Variants in SUCO observed in about 807,000 individuals in gnomAD.
The protein encoded by SUCO is SUN domain containing ossification factor.
SUCO carries 57 observed loss-of-function variants against 148.1 expected under a neutral mutation model. The ratio of observed to expected loss-of-function variants is 0.38; its 90% CI spans 0.31 to 0.48. The LOEUF is 0.48. Among genes scored for constraint, SUCO ranks in the 20% least tolerant of loss-of-function variants. SUCO has a pLI of 0.96. For missense variants in SUCO, 1,331 were observed against 1,468.2 expected (o/e 0.91, Z 1.53); for synonymous variants, 470 against 502.7 (o/e 0.93, Z 0.87).
At chr1:172,600,016 A>C in intron 19 of SUCO, 48 bp from the exon 20 acceptor site, 1 of 1,238,226 alleles carries the variant, frequency 8.1e-7, no homozygotes, top group East Asian at 2.7e-5. Context: ...TTATAATGTT[A>C]ATAGTTTGTA....
Position 172,570,671 on chromosome 1 carries a change from T to C in SUCO, c.990T>C (p.Ser330=). 1 of 1,597,236 alleles carries C rather than the reference T, an allele frequency of 6.3e-7. No homozygotes were observed. Among genetic ancestry groups the C allele is most frequent in the Non-Finnish European group, 8.6e-7 (1 of 1,165,592 alleles). Residue 330 remains serine, a synonymous_variant, in exon 9 of 24, where the codon TCT becomes TCC. Coordinates refer to ENST00000263688, the MANE Select transcript of SUCO (RefSeq NM_014283.5). ...LAANPEAKST[S]AILIENMDLY... is the part of the protein sequence containing the mutation. ...TCCTCTTTTTAAAATAGAGCACATC[T>C]GCTATTCTTATAGAAAATATGGATC...
At chr1:172,608,943 A>T in intron 23 of SUCO, 141 bp downstream of exon 23, 1 of 674,836 alleles carries the variant, frequency 1.5e-6, no homozygotes, top group Non-Finnish European at 2.5e-6. Flanking sequence ...GTTGTAAATA[A>T]ATATTAACAG....
At chr1:172,590,543 C>T (rs1656577001) in intron 18 of SUCO, among the ~76,000 whole-genome samples, 1 of 152,044 alleles carries the variant, frequency 6.6e-6, no homozygotes, top group African/African-American at 2.4e-5. Context: ...TAGGGCTTCT[C>T]TACCAACGTT....
chr1:172,579,184 T>C lies in SUCO; in HGVS notation c.1433-18T>C, dbSNP rs1278033041. 4.8e-6 allele frequency: 7 copies of C among 1,451,250 alleles called. No homozygotes were observed. Among genetic ancestry groups the C allele is most frequent in the Non-Finnish European group, 9.7e-7 (1 of 1,036,178 alleles). The allele number at this position is 1,451,250 out of a possible 1,614,324, so 89.9% of individuals were successfully genotyped here. The stretch of plus-strand genomic sequence containing the variant: ...AGCTAGATCTCAGCATAATTACTTT[T>C]ATTTTCGTTTTTAACAGATTATCCA... On this transcript the variant is annotated intron_variant, in intron 14 of 23. Coordinates refer to ENST00000263688, the MANE Select transcript of SUCO (RefSeq NM_014283.5).
intron 6 of SUCO, among the ~76,000 whole-genome samples, chr1:172,563,945 A>G (rs376070251): frequency 2.6e-5 from 4 of 152,224 alleles, no homozygotes; most frequent in African/African-American, 4.8e-5. Flanking sequence ...AGCTGCTCCA[A>G]CTTCAGCTGT....
intron 1 of SUCO, chr1:172,544,221 C>T (rs536717760): frequency 1.6e-6 from 1 of 641,204 alleles, no homozygotes; most frequent in Non-Finnish European, 1.9e-6. Context: ...AGAAGCAATT[C>T]TTTGTTGCCT....
intron 9 of SUCO, among the ~76,000 whole-genome samples, chr1:172,573,435 G>A (rs1045382327): frequency 1.3e-5 from 2 of 151,880 alleles, no homozygotes; most frequent in Non-Finnish European, 2.9e-5. Flanking sequence ...TGTGTACTTC[G>A]ATATAGCAAA....
chr1:172,542,767 A>C (rs1652572117), intron 1 of SUCO: 1 of 985,338 alleles, frequency 1.0e-6, no homozygotes, highest in South Asian at 4.7e-5. Flanking sequence ...CTTTTGAAAC[A>C]GAATAAAGAA....
Position 172,575,764 on chromosome 1 carries a change from G to A in SUCO, c.1263+141G>A, listed in dbSNP as rs73034039. Reference sequence around the variant, plus strand: ...CACTTAATAGATAATTCTTACTTGGGTATATTATTTCATGAATCAAATATT... The same window carrying A: ...CACTTAATAGATAATTCTTACTTGGATATATTATTTCATGAATCAAATATT... On this transcript the variant is annotated intron_variant, in intron 11 of 23. Transcript: ENST00000263688. 1.5e-3 allele frequency: 733 copies of A among 494,522 alleles called. 4 individuals carry two copies. The highest frequency in any genetic ancestry group is 0.011 in the African/African-American group (569 of 49,926). The allele number at this position is 494,522 out of a possible 1,614,324, so 30.6% of individuals were successfully genotyped here.
At position 172,610,047 on chromosome 1, in the gene SUCO, A is replaced by C; in HGVS notation, c.3553A>C (p.Thr1185Pro). 1.9e-6 allele frequency: 3 copies of C among 1,613,960 alleles called. No homozygotes were observed. Among genetic ancestry groups the C allele is most frequent in the African/African-American group, 1.3e-5 (1 of 75,038 alleles). The change falls in exon 24 of 24, where the codon ACA becomes CCA. Residue 1185 changes from threonine (T) to proline (P), a missense_variant. This residue lies in a region of SUCO where 334 missense variants were observed against 352.3 expected (regional missense o/e 0.95). Coordinates refer to ENST00000263688, the MANE Select transcript of SUCO (RefSeq NM_014283.5). ...ESYFCGISACTSLCNGQSQKT... is the reference protein window; with the variant it reads ...ESYFCGISACPSLCNGQSQKT... ...CTATTTTTGTGGCATTTCAGCTTGC[A>C]CAAGTCTGTGCAATGGACAGTCTCA...
chr1:172,532,464 A>T (rs938626226), upstream of SUCO: 4 of 1,601,076 alleles, frequency 2.5e-6, no homozygotes, highest in Non-Finnish European at 3.4e-6. Flanking sequence ...TTCCGCTGCA[A>T]CCAATCAGAT....
intron 6 of SUCO, among the ~76,000 whole-genome samples, chr1:172,567,567 T>C (rs1354159133): frequency 1.3e-5 from 2 of 152,218 alleles, no homozygotes; most frequent in Non-Finnish European, 2.9e-5. Context: ...TTTTGAGATT[T>C]GTTCATTGTT....
In SUCO at chr1:172,533,350, TGCTCCG is replaced by T. The variant is rs1223577139; in HGVS notation, c.-80_-75del. 2.3e-5 allele frequency: 35 copies of T among 1,551,472 alleles called. No homozygotes were observed. In the Admixed American group the frequency reaches 6.9e-4, roughly 30 times the overall value. On this transcript the variant is annotated 5_prime_UTR_variant, in exon 1 of 24. Coordinates refer to ENST00000263688, the MANE Select transcript of SUCO (RefSeq NM_014283.5). ...ACTATCGGTCACATTCTCGCGCTCC[TGCTCCG>T]GCTCCTCCATCTTGGCCTCGGCAGT... is the stretch of plus-strand genomic sequence containing the variant.
At chr1:172,578,860 G>A (rs1294524588) in intron 14 of SUCO, among the ~76,000 whole-genome samples, 1 of 152,006 alleles carries the variant, frequency 6.6e-6, no homozygotes, top group Non-Finnish European at 1.5e-5. Flanking sequence ...ATTTTAAGAT[G>A]TGTTAAACTA....
upstream of SUCO, chr1:172,532,377 A>C (rs1315992175): frequency 1.1e-6 from 1 of 930,808 alleles, no homozygotes; most frequent in South Asian, 1.7e-5. Flanking sequence ...CAGAACGAAA[A>C]GCAACGAAGC....
In SUCO at chr1:172,556,034, A is replaced by G. The variant is rs1653733105; in HGVS notation, c.443+11A>G. ...AATCTCAAAGCTTGAGTAAGTTGTT[A>G]CAAAAAACAAACACAAAAAAGAATC... On this transcript the variant is annotated intron_variant, in intron 4 of 23. Coordinates refer to ENST00000263688, the MANE Select transcript of SUCO (RefSeq NM_014283.5). The G allele has an allele frequency of 1.9e-6, 3 of 1,597,230 alleles. No homozygotes were observed. Among genetic ancestry groups the G allele is most frequent in the Non-Finnish European group, 1.7e-6 (2 of 1,169,948 alleles).
rs146071333 is a variant in SUCO at position 172,598,336 on chromosome 1, G to A, written c.2914-1728G>A. 5.2e-3 allele frequency among the ~76,000 whole-genome samples: 785 copies of A among 152,244 alleles called. 9 individuals carry two copies. The highest frequency in any genetic ancestry group is 7.9e-3 in the Non-Finnish European group (535 of 67,998). On this transcript the variant is annotated intron_variant, in intron 19 of 23. Transcript: ENST00000263688. ...CTTTAAGGTAATAACACAATGTTAT[G>A]TTTGTTGTAGCTTTATATTAACATT...
chr1:172,536,527 T>TTA (rs1652031982), intron 1 of SUCO, among the ~76,000 whole-genome samples: 1 of 152,204 alleles, frequency 6.6e-6, no homozygotes, highest in South Asian at 2.1e-4. Flanking sequence ...CCAGATGTTT[T>TTA]TATGAGCACC....
chr1:172,557,864 A>G (rs1653865446), intron 6 of SUCO, 70 bp downstream of exon 6: 7 of 1,218,424 alleles, frequency 5.7e-6, no homozygotes, highest in Non-Finnish European at 8.0e-6. Context: ...TAAGCTTATA[A>G]TAATTTGCTA....
Sources: gnomAD v4.1 joint callset for allele counts (sites outside exome capture counted in the v4.1 genomes callset) on GRCh38, gnomAD v4.1.1 for gene constraint, gnomAD v4.1.1 regional missense constraint, MANE v1.5 for transcripts, NCBI Gene and HGNC (gene_info 2026-07-23, HGNC 2026-07-21) for gene names.